The following MCMBP variants were observed in gnomAD, a reference collection of about 807,000 sequenced individuals.
MCMBP encodes mini-chromosome maintenance complex-binding protein.
Under a neutral mutation model 81.3 loss-of-function variants are expected in MCMBP, and 31 were observed. That is an observed-to-expected ratio of 0.38 (90% CI 0.29 to 0.51). The LOEUF (loss-of-function observed/expected upper bound fraction) is 0.51. Among genes scored for constraint, MCMBP ranks in the 20% least tolerant of loss-of-function variants. The pLI, the probability that MCMBP is intolerant of heterozygous loss-of-function variation, is 0.87. For missense variants in MCMBP, 645 were observed against 772.1 expected, an observed-to-expected ratio of 0.84 and a Z score of 1.95; for synonymous variants, 267 against 275.9, an observed-to-expected ratio of 0.97 and a Z score of 0.32.
chr10:119,862,416 T>C (rs1003508930), intron 1 of MCMBP, among the ~76,000 whole-genome samples: 2 of 152,212 alleles, frequency 1.3e-5, no homozygotes, highest in East Asian at 3.8e-4. Flanking sequence ...CTTACCATAT[T>C]GCTGCAATAA....
chr10:119,853,028 A>G, intron 6 of MCMBP, 22 bp downstream of exon 6: 2 of 1,613,308 alleles, frequency 1.2e-6, no homozygotes, highest in Non-Finnish European at 1.7e-6. Flanking sequence ...AAGTCTAGAG[A>G]AAACCTGTTG....
chr10:119,845,488 T>C (rs770540493), intron 8 of MCMBP, among the ~76,000 whole-genome samples: 4 of 152,178 alleles, frequency 2.6e-5, no homozygotes, highest in Non-Finnish European at 5.9e-5. Flanking sequence ...AAATAAAATG[T>C]ATACGTATCT....
intron 1 of MCMBP, among the ~76,000 whole-genome samples, chr10:119,867,708 A>G (rs183905655): frequency 3.7e-4 from 57 of 152,296 alleles, no homozygotes; most frequent in African/African-American, 1.3e-3. Flanking sequence ...GTATCCCAAG[A>G]GAAGAAATAC....
chr10:119,842,013 T>C (rs769517905), intron 10 of MCMBP, among the ~76,000 whole-genome samples: 6 of 152,130 alleles, frequency 3.9e-5, no homozygotes, highest in Non-Finnish European at 8.8e-5. Flanking sequence ...TGAGTGGGCA[T>C]TACCGCCTGA....
chr10:119,833,516 A>G (rs1417048104), intron 14 of MCMBP, among the ~76,000 whole-genome samples: 1 of 152,108 alleles, frequency 6.6e-6, no homozygotes, highest in Non-Finnish European at 1.5e-5. Flanking sequence ...AGAAAAAACA[A>G]AAAAACAAAA....
In MCMBP at chr10:119,842,596, C is replaced by A; in HGVS notation, c.1001-1G>T. On this transcript the variant is annotated splice_acceptor_variant, in intron 9 of 15. Transcript: ENST00000369077. LOFTEE classifies it high-confidence loss of function. ...AATTCGGACATGAAACTTGAAACAA[C>A]TGAAGGAGAAAGGAAGACCTGAGTC... 6.2e-7 allele frequency: 1 copy of A among 1,612,244 alleles called. No homozygotes were observed.
Position 119,835,839 on chromosome 10 carries a change from GTTTTTT to G in MCMBP, c.1543-141_1543-136del, listed in dbSNP as rs917627731. 4 of 945,074 alleles carry G rather than the reference GTTTTTT, an allele frequency of 4.2e-6. No homozygotes were observed. In the East Asian group the frequency reaches 1.1e-4, roughly 26 times the overall value. The allele number at this position is 945,074 out of a possible 1,614,324, so 58.5% of individuals were successfully genotyped here. A position where few individuals can be genotyped will look rare whatever the true frequency, so the allele number is the denominator to read the frequency against. ...TTATTATTTAGGGGGAGGGAATAAT[GTTTTTT>G]TTTCTGTGTGTGAGACAGGGTTTTG... On this transcript the variant is annotated intron_variant, in intron 13 of 15. Coordinates refer to ENST00000369077, the MANE Select transcript of MCMBP (RefSeq NM_001256378.2).
intron 1 of MCMBP, among the ~76,000 whole-genome samples, chr10:119,869,192 T>A (rs1413561782): frequency 6.6e-6 from 1 of 152,178 alleles, no homozygotes; most frequent in African/African-American, 2.4e-5. Context: ...ACGCCTATAA[T>A]CCCAGCACTT....
chr10:119,843,104 A>C, intron 9 of MCMBP, 150 bp downstream of exon 9: 5 of 856,468 alleles, frequency 5.8e-6, no homozygotes, highest in South Asian at 1.4e-5. Flanking sequence ...GTAAGAGAAA[A>C]ATGGGGCAAC....
At chr10:119,868,711 C>T (rs1476768440) in intron 1 of MCMBP, among the ~76,000 whole-genome samples, 1 of 152,098 alleles carries the variant, frequency 6.6e-6, no homozygotes, top group Admixed American at 6.5e-5. Flanking sequence ...TAATAGGATC[C>T]TGCAGTAACA....
intron 1 of MCMBP, among the ~76,000 whole-genome samples, chr10:119,871,582 C>G (rs1853676001): frequency 6.6e-6 from 1 of 152,132 alleles, no homozygotes; most frequent in Admixed American, 6.5e-5. Flanking sequence ...TCGATTTTGG[C>G]TGCTGAGGAT....
chr10:119,848,180 AAC>A (rs1195821166), intron 7 of MCMBP, among the ~76,000 whole-genome samples: 1 of 152,152 alleles, frequency 6.6e-6, no homozygotes, highest in Non-Finnish European at 1.5e-5. Context: ...AAAAAAAAAA[AAC>A]CTTTCAAAAT....
chr10:119,851,430 TAA>T (rs1171071264), intron 6 of MCMBP, among the ~76,000 whole-genome samples: 2 of 152,142 alleles, frequency 1.3e-5, no homozygotes, highest in Non-Finnish European at 2.9e-5. Flanking sequence ...TTACAATATA[TAA>T]GTTACTATGA....
intron 14 of MCMBP, among the ~76,000 whole-genome samples, chr10:119,834,027 G>A (rs1852147957): frequency 6.6e-6 from 1 of 152,068 alleles, no homozygotes; most frequent in Admixed American, 6.5e-5. Flanking sequence ...AGTTCACTGA[G>A]ATTAGTCTAA....
At chr10:119,871,816 T>C (rs1853684522) in intron 1 of MCMBP, among the ~76,000 whole-genome samples, 1 of 152,170 alleles carries the variant, frequency 6.6e-6, no homozygotes, top group South Asian at 2.1e-4. Context: ...TAAACTTTTC[T>C]TCGTATACCC....
At chr10:119,859,750 A>C (rs200522019) in intron 2 of MCMBP, 49 bp downstream of exon 2, 6 of 1,275,068 alleles carry the variant, frequency 4.7e-6, no homozygotes, top group Non-Finnish European at 6.7e-6. Context: ...ACTAAGAGAA[A>C]CTGTATAGTC....
intron 5 of MCMBP, 37 bp from the exon 6 acceptor site, chr10:119,853,231 G>A (rs1159391951): frequency 6.3e-7 from 1 of 1,580,138 alleles, no homozygotes; most frequent in Non-Finnish European, 8.6e-7. Context: ...ATCATAAACT[G>A]AGGAATATCC....
chr10:119,847,058 A>G (rs188839171), intron 8 of MCMBP, among the ~76,000 whole-genome samples: 1 of 152,256 alleles, frequency 6.6e-6, no homozygotes, highest in African/African-American at 2.4e-5. Flanking sequence ...TGTGCAAATG[A>G]TAAGATTGTG....
At chr10:119,852,105 T>C (rs1852844520) in intron 6 of MCMBP, among the ~76,000 whole-genome samples, 1 of 127,486 alleles carries the variant, frequency 7.8e-6, no homozygotes, top group Non-Finnish European at 1.5e-5. Context: ...TGAGCCAAGA[T>C]CGTGCCACTG....
Sources: gnomAD v4.1 joint callset for allele counts (sites outside exome capture counted in the v4.1 genomes callset) on GRCh38, gnomAD v4.1.1 for gene constraint, MANE v1.5 for transcripts, NCBI Gene and HGNC (gene_info 2026-07-23, HGNC 2026-07-21) for gene names.